The following ITPR2 variants were observed in gnomAD, a reference collection of about 807,000 sequenced individuals.
The protein encoded by ITPR2 is inositol 1,4,5-trisphosphate receptor type 2.
Under a neutral mutation model 317.1 loss-of-function variants are expected in ITPR2, and 207 were observed. The ratio of observed to expected loss-of-function variants is 0.65; its 90% CI spans 0.58 to 0.73. ITPR2 has a LOEUF of 0.73. Among genes scored for constraint, ITPR2 ranks in the 30% least tolerant of loss-of-function variants. The pLI, the probability that ITPR2 is intolerant of heterozygous loss-of-function variation, is 0.00. For synonymous variants in ITPR2, 1,156 were observed against 1,149.1 expected (o/e 1.01, Z -0.12); for missense variants, 2,613 against 3,284.0 (o/e 0.80, Z 4.99).
At chr12:26,636,356 C>T (rs987449760) in intron 21 of ITPR2, among the ~76,000 whole-genome samples, 1 of 152,154 alleles carries the variant, frequency 6.6e-6, no homozygotes, top group Non-Finnish European at 1.5e-5. Context: ...ATTGCAGTCC[C>T]CCTCTCCAAC....
chr12:26,749,772 A>G (rs914762264), intron 2 of ITPR2, among the ~76,000 whole-genome samples: 38 of 152,228 alleles, frequency 2.5e-4, no homozygotes, highest in African/African-American at 8.9e-4. Flanking sequence ...AATTTTAAGT[A>G]CTATGCCTCA....
chr12:26,821,932 C>A (rs1181073634), intron 1 of ITPR2, among the ~76,000 whole-genome samples: 1 of 152,100 alleles, frequency 6.6e-6, no homozygotes, highest in Non-Finnish European at 1.5e-5. Flanking sequence ...AACTTTTAAA[C>A]CAGTTTTGTT....
In ITPR2 at chr12:26,686,587, C is replaced by G. The variant is rs778124450; in HGVS notation, c.1042G>C (p.Glu348Gln). Residue 348 changes from glutamate to glutamine, a missense_variant, in exon 11 of 57, where the codon GAG becomes CAG. By Grantham distance (29) the Glu-to-Gln change is conservative. Coordinates refer to ENST00000381340, the MANE Select transcript of ITPR2 (RefSeq NM_002223.4). ...GAAACCAAAGTATACATGATCTTCT[C>G]CCCTGCCTGGCGTTTTTTCTTTGAA... ...PTSKKKRQAG[E>Q]KIMYTLVSVP... The G allele has an allele frequency of 1.9e-6, 3 of 1,611,548 alleles. No homozygotes were observed. In the Admixed American group the frequency reaches 5.0e-5, roughly 27 times the overall value.
intron 28 of ITPR2, among the ~76,000 whole-genome samples, chr12:26,601,686 TG>T (rs2136744628): frequency 6.6e-6 from 1 of 152,304 alleles, no homozygotes; most frequent in African/African-American, 2.4e-5. Flanking sequence ...GTTGAAAGTT[TG>T]ATGAAGAATG....
intron 37 of ITPR2, among the ~76,000 whole-genome samples, chr12:26,534,141 T>A (rs1944020330): frequency 6.6e-6 from 1 of 152,230 alleles, no homozygotes; most frequent in East Asian, 1.9e-4. Flanking sequence ...AGGTCCTTCA[T>A]CTGCTCCTCA....
chr12:26,789,559 G>T (rs908004126), intron 2 of ITPR2, among the ~76,000 whole-genome samples: 2 of 152,116 alleles, frequency 1.3e-5, no homozygotes, highest in Non-Finnish European at 2.9e-5. Context: ...AGCTTTTAAT[G>T]ACTAGTTTTA....
At position 26,659,220 on chromosome 12, in the gene ITPR2, A is replaced by G. The variant is rs768550549; in HGVS notation, c.1779T>C (p.Asp593=). 29 of 1,613,340 alleles carry G rather than the reference A, an allele frequency of 1.8e-5. No homozygotes were observed. The Admixed American group carries it at 4.2e-4, about 23-fold the overall frequency. ...SQIGYDILAE[D]TITALLHNNR... ...TGTTGTGCAACAAAGCTGTGATAGT[A>G]TCTTCTGCCAAAATATCATAGCCAA... The change falls in exon 16 of 57, where the codon GAT becomes GAC. Residue 593 remains aspartate, a synonymous_variant. Coordinates refer to ENST00000381340, the MANE Select transcript of ITPR2 (RefSeq NM_002223.4).
intron 34 of ITPR2, among the ~76,000 whole-genome samples, chr12:26,572,783 T>C (rs1469465288): frequency 6.6e-6 from 1 of 152,108 alleles, no homozygotes; most frequent in Non-Finnish European, 1.5e-5. Flanking sequence ...ATGTTGAAAG[T>C]ATTGGTGAGA....
chr12:26,427,237 T>C (rs143548416), intron 49 of ITPR2, among the ~76,000 whole-genome samples: 3,140 of 152,274 alleles, frequency 0.021, 30 homozygotes, highest in African/African-American at 0.027. Flanking sequence ...TTCATTAGCC[T>C]GATGGTTTTA....
intron 1 of ITPR2, among the ~76,000 whole-genome samples, chr12:26,812,250 G>A (rs1398986271): frequency 6.6e-6 from 1 of 151,864 alleles, no homozygotes; most frequent in African/African-American, 2.4e-5. Context: ...TAATAAATAG[G>A]TTTAGGTAAC....
At chr12:26,683,251 C>G (rs7965014) in intron 11 of ITPR2, among the ~76,000 whole-genome samples, 1,545 of 152,258 alleles carry the variant, frequency 0.01, 17 homozygotes, top group Middle Eastern at 0.027. Context: ...CCAGAACATA[C>G]ATAGAGTGGC....
At chr12:26,359,367 A>G (rs1312578099) in intron 55 of ITPR2, among the ~76,000 whole-genome samples, 1 of 152,194 alleles carries the variant, frequency 6.6e-6, no homozygotes, top group Non-Finnish European at 1.5e-5. Context: ...AAATGAGAGG[A>G]TGCTCAGATA....
rs201954027 is a variant in ITPR2, at chr12:26,443,332, A to G, written c.6450+211T>C. The stretch of plus-strand genomic sequence containing the variant: ...TATTAATTACAAAAAAAAATTTTAC[A>G]TATAGTTTTAGTAAAAAAAGACAAC... On this transcript the variant is annotated intron_variant, in intron 46 of 56. Transcript: ENST00000381340. Among the ~76,000 whole-genome samples the G allele has an allele frequency of 9.2e-5, 14 of 152,278 alleles. No individual in the cohort carries two copies. In the South Asian group the frequency reaches 2.1e-3, roughly 23 times the overall value.
intron 7 of ITPR2, 118 bp from the exon 8 acceptor site, chr12:26,715,563 T>G (rs1948725223): frequency 2.1e-6 from 2 of 944,944 alleles, no homozygotes; most frequent in South Asian, 1.8e-5. Context: ...TTATTTAAAT[T>G]TATTTAATGC....
intron 20 of ITPR2, 33 bp downstream of exon 20, chr12:26,655,675 C>G (rs1337036369): frequency 6.4e-7 from 1 of 1,571,528 alleles, no homozygotes; most frequent in African/African-American, 1.4e-5. Flanking sequence ...ACCCAGTTAC[C>G]AAAACATCCT....
chr12:26,383,571 C>T (rs1032628340), intron 55 of ITPR2, among the ~76,000 whole-genome samples: 1 of 151,960 alleles, frequency 6.6e-6, no homozygotes, highest in African/African-American at 2.4e-5. Context: ...ACAAGCTCCA[C>T]CTCCCAGGTT....
chr12:26,483,501 G>A (rs902772109), intron 42 of ITPR2, among the ~76,000 whole-genome samples, 197 bp downstream of exon 42: 9 of 152,138 alleles, frequency 5.9e-5, no homozygotes, highest in Non-Finnish European at 8.8e-5. Flanking sequence ...ACATTTTCAT[G>A]GGACTTGTTT....
intron 13 of ITPR2, among the ~76,000 whole-genome samples, chr12:26,667,952 T>G (rs1420968372): frequency 6.6e-6 from 1 of 152,198 alleles, no homozygotes; most frequent in Non-Finnish European, 1.5e-5. Context: ...GCCCACCTCT[T>G]CATGACAAGG....
intron 55 of ITPR2, among the ~76,000 whole-genome samples, chr12:26,353,451 G>A (rs1158519609): frequency 1.3e-5 from 2 of 152,204 alleles, no homozygotes; most frequent in Non-Finnish European, 2.9e-5. Flanking sequence ...AGAAAGACTA[G>A]ATCTGAGTCT....
Sources: allele counts gnomAD v4.1 joint callset (sites outside exome capture counted in the v4.1 genomes callset), GRCh38; gene constraint gnomAD v4.1.1; transcripts MANE v1.5; gene names NCBI Gene and HGNC (gene_info 2026-07-23, HGNC 2026-07-21).